The following PPP1R21 variants were observed in gnomAD, a reference collection of about 807,000 sequenced individuals.
PPP1R21 encodes protein phosphatase 1 regulatory subunit 21.
In PPP1R21, 85 loss-of-function variants were observed where a neutral mutation model predicts 112.8. The ratio of observed to expected loss-of-function variants is 0.75; its 90% CI spans 0.63 to 0.90. The LOEUF (loss-of-function observed/expected upper bound fraction) is 0.90. PPP1R21 is among the 40% of genes least tolerant of loss of function. The probability of loss-of-function intolerance (pLI) is 0.00; values close to 1 mark genes in which losing one functional copy is unlikely to be tolerated. For missense variants in PPP1R21, 1,199 were observed against 901.5 expected (o/e 1.33, Z -4.23); for synonymous variants, 381 against 322.3 (o/e 1.18, Z -1.95).
chr2:48,467,386 A>C (rs1668253571), intron 9 of PPP1R21, among the ~76,000 whole-genome samples: 1 of 152,248 alleles, frequency 6.6e-6, no homozygotes, highest in Non-Finnish European at 1.5e-5. Context: ...GCTATGTAAT[A>C]AATTACCCCA....
intron 16 of PPP1R21, among the ~76,000 whole-genome samples, chr2:48,496,944 C>A (rs1220995766): frequency 2.0e-5 from 3 of 152,224 alleles, no homozygotes; most frequent in Non-Finnish European, 4.4e-5. Flanking sequence ...TGCACCCCTT[C>A]CTCTGCTTCA....
chr2:48,488,598 C>T (rs1344200996), intron 14 of PPP1R21, among the ~76,000 whole-genome samples: 1 of 152,088 alleles, frequency 6.6e-6, no homozygotes, highest in East Asian at 1.9e-4. Flanking sequence ...TCTCAATCTC[C>T]TGAGAACTCT....
intron 13 of PPP1R21, among the ~76,000 whole-genome samples, chr2:48,483,350 T>G (rs1359013762): frequency 6.6e-6 from 1 of 151,982 alleles, no homozygotes; most frequent in Non-Finnish European, 1.5e-5. Flanking sequence ...CCGGCTAATT[T>G]TTTTGTATTT....
At chr2:48,460,500 G>C (rs1667927944) in intron 6 of PPP1R21, among the ~76,000 whole-genome samples, 1 of 152,038 alleles carries the variant, frequency 6.6e-6, no homozygotes, top group Non-Finnish European at 1.5e-5. Context: ...ATCTTTTAAT[G>C]GTACATTTTG....
chr2:48,472,846 G>T (rs543572181), intron 11 of PPP1R21, among the ~76,000 whole-genome samples: 160 of 151,644 alleles, frequency 1.1e-3, no homozygotes, highest in Non-Finnish European at 1.9e-3. Context: ...AGCTACTTAG[G>T]AGGCTGAGAT....
intron 19 of PPP1R21, among the ~76,000 whole-genome samples, chr2:48,507,749 C>CTT (rs34546075): frequency 0.057 from 2,420 of 42,268 alleles, 723 homozygotes; most frequent in East Asian, 0.069. Context: ...GAGGCTCTGC[C>CTT]TTTTTTTTTT....
chr2:48,506,523 A>G (rs1392674177), intron 18 of PPP1R21, among the ~76,000 whole-genome samples: 2 of 152,252 alleles, frequency 1.3e-5, no homozygotes, highest in South Asian at 2.1e-4. Flanking sequence ...TTCTTGTAAT[A>G]TAGATAATCA....
Position 48,471,143 on chromosome 2 carries a change from G to A in PPP1R21, c.954G>A (p.Met318Ile). 6.2e-7 allele frequency: 1 copy of A among 1,613,248 alleles called. No individual in the cohort carries two copies. Among genetic ancestry groups the A allele is most frequent in the Non-Finnish European group, 8.5e-7 (1 of 1,179,260 alleles). Residue 318 changes from methionine (M) to isoleucine (I), a missense_variant, in exon 10 of 22, where the codon ATG (methionine) becomes ATA (isoleucine). By Grantham distance (10) the Met-to-Ile change is conservative. Transcript: ENST00000294952. ...ATGTCCGCCCTCTTGAGGAAGGAATGCTTCATTTATTTGAAAGTATCACTG... is the reference window on the plus strand; with the variant it reads ...ATGTCCGCCCTCTTGAGGAAGGAATACTTCATTTATTTGAAAGTATCACTG... ...ASYVRPLEEG[M>I]LHLFESITED...
At chr2:48,483,068 A>T (rs991451621) in intron 13 of PPP1R21, among the ~76,000 whole-genome samples, 41 of 152,118 alleles carry the variant, frequency 2.7e-4, no homozygotes, top group Admixed American at 2.7e-3. Flanking sequence ...TAGTTTGCTG[A>T]AGATAATGGC....
intron 9 of PPP1R21, among the ~76,000 whole-genome samples, chr2:48,469,801 TG>T (rs1229173547): frequency 6.6e-6 from 1 of 152,154 alleles, no homozygotes; most frequent in Non-Finnish European, 1.5e-5. Flanking sequence ...ATGTGATTTT[TG>T]TAATAAGTCT....
chr2:48,452,982 C>G (rs541274198), intron 2 of PPP1R21, among the ~76,000 whole-genome samples: 2 of 141,076 alleles, frequency 1.4e-5, no homozygotes, highest in East Asian at 4.1e-4. Context: ...GAGACAGAGT[C>G]TTACTCTGTC....
At chr2:48,477,116 ATTTTTTTT>A (rs779139882) in intron 12 of PPP1R21, among the ~76,000 whole-genome samples, 1 of 114,770 alleles carries the variant, frequency 8.7e-6, no homozygotes, top group Non-Finnish European at 1.8e-5. Context: ...TTTTGAATTA[ATTTTTTTT>A]TTTTTTTTTT....
At chr2:48,477,761 A>C (rs550259742) in intron 12 of PPP1R21, among the ~76,000 whole-genome samples, 1 of 152,112 alleles carries the variant, frequency 6.6e-6, no homozygotes, top group Admixed American at 6.5e-5. Context: ...GTCTACAAAG[A>C]AGTCAGTTGG....
intron 3 of PPP1R21, among the ~76,000 whole-genome samples, chr2:48,457,145 A>G (rs1003590448): frequency 3.9e-5 from 6 of 152,124 alleles, no homozygotes; most frequent in African/African-American, 1.2e-4. Context: ...GGTTCTTAAT[A>G]TCCCTGCCTA....
At chr2:48,459,687 G>A (rs1667889700) in intron 4 of PPP1R21, 67 bp from the exon 5 acceptor site, 1 of 1,532,308 alleles carries the variant, frequency 6.5e-7, no homozygotes, top group African/African-American at 1.4e-5. Flanking sequence ...AATAGTCACT[G>A]CTGTTATTTT....
At chr2:48,498,364 G>T in intron 16 of PPP1R21, 129 bp from the exon 17 acceptor site, 1 of 822,190 alleles carries the variant, frequency 1.2e-6, no homozygotes, top group Non-Finnish European at 1.9e-6. Flanking sequence ...CCTATTCGAG[G>T]GTCAAACTTT....
chr2:48,450,382 CG>C (rs1240640660), intron 1 of PPP1R21, among the ~76,000 whole-genome samples: 1 of 152,132 alleles, frequency 6.6e-6, no homozygotes, highest in Non-Finnish European at 1.5e-5. Flanking sequence ...GTACTTAGGA[CG>C]GTGCCTAGTT....
intron 16 of PPP1R21, among the ~76,000 whole-genome samples, 171 bp from the exon 17 acceptor site, chr2:48,498,322 G>C (rs534472258): frequency 6.6e-6 from 1 of 150,538 alleles, no homozygotes; most frequent in African/African-American, 2.4e-5. Flanking sequence ...ATTTATGGTT[G>C]TGCTTTTTGT....
chr2:48,498,369 A>G (rs1223425500), intron 16 of PPP1R21, 124 bp from the exon 17 acceptor site: 8 of 886,542 alleles, frequency 9.0e-6, no homozygotes, highest in Admixed American at 2.8e-5. Context: ...TCGAGGGTCA[A>G]ACTTTATTAT....
Sources: gnomAD v4.1 joint callset for allele counts (sites outside exome capture counted in the v4.1 genomes callset) on GRCh38, gnomAD v4.1.1 for gene constraint, MANE v1.5 for transcripts, NCBI Gene and HGNC (gene_info 2026-07-23, HGNC 2026-07-21) for gene names.